The following MTHFD1L variants were observed in gnomAD, a reference collection of about 807,000 sequenced individuals.
MTHFD1L encodes methylenetetrahydrofolate dehydrogenase (NADP+ dependent) 1 like, also known as monofunctional C1-tetrahydrofolate synthase, mitochondrial.
In MTHFD1L, 81 loss-of-function variants were observed where a neutral mutation model predicts 119.5. The ratio of observed to expected loss-of-function variants is 0.68; its 90% CI spans 0.57 to 0.82. The LOEUF (loss-of-function observed/expected upper bound fraction) is 0.82. Ranked by LOEUF, MTHFD1L falls within the 40% of genes least tolerant of loss-of-function variation. The probability of loss-of-function intolerance (pLI) is 0.00; values close to 1 mark genes in which losing one functional copy is unlikely to be tolerated. For missense variants in MTHFD1L, 1,125 were observed against 1,253.4 expected (o/e 0.90, Z 1.55); for synonymous variants, 430 against 475.2 (o/e 0.90, Z 1.24).
intron 24 of MTHFD1L, among the ~76,000 whole-genome samples, chr6:151,018,648 T>G (rs1337812152): frequency 6.6e-6 from 1 of 152,178 alleles, no homozygotes. Context: ...AGCTAAGTAC[T>G]GTGCTCAAAA....
chr6:150,874,563 G>A (rs769863486), intron 1 of MTHFD1L, among the ~76,000 whole-genome samples: 13 of 152,178 alleles, frequency 8.5e-5, no homozygotes, highest in Non-Finnish European at 1.9e-4. Flanking sequence ...AGACCCTGTC[G>A]GAGACTGAAA....
intron 26 of MTHFD1L, among the ~76,000 whole-genome samples, chr6:151,047,679 T>C (rs1788309024): frequency 6.6e-6 from 1 of 152,156 alleles, no homozygotes; most frequent in African/African-American, 2.4e-5. Flanking sequence ...CAAGAATATG[T>C]TGTAGAGTGT....
intron 10 of MTHFD1L, 131 bp from the exon 11 acceptor site, chr6:150,925,991 G>A (rs1284298662): frequency 5.7e-6 from 4 of 699,486 alleles, no homozygotes; most frequent in African/African-American, 1.8e-5. Flanking sequence ...GCTTATTACT[G>A]CCTGGGAGAA....
intron 8 of MTHFD1L, among the ~76,000 whole-genome samples, chr6:150,911,395 A>G (rs1465655236): frequency 6.6e-6 from 1 of 151,852 alleles, no homozygotes; most frequent in Non-Finnish European, 1.5e-5. Context: ...ACTCTCAAGA[A>G]CACTGTCACA....
intron 26 of MTHFD1L, among the ~76,000 whole-genome samples, chr6:151,090,108 A>G (rs549644496): frequency 5.9e-5 from 9 of 152,172 alleles, no homozygotes; most frequent in South Asian, 2.1e-4. Context: ...ATCCATCACA[A>G]TGTTTTATGT....
intron 6 of MTHFD1L, among the ~76,000 whole-genome samples, chr6:150,886,201 G>A (rs1782234102): frequency 6.6e-6 from 1 of 152,194 alleles, no homozygotes; most frequent in South Asian, 2.1e-4. Context: ...GCGAGGCCAA[G>A]GCCAGAGGAT....
At chr6:150,908,084 T>C (rs1786242578) in intron 8 of MTHFD1L, among the ~76,000 whole-genome samples, 1 of 150,640 alleles carries the variant, frequency 6.6e-6, no homozygotes, top group African/African-American at 2.4e-5. Flanking sequence ...TTTTTTGTAT[T>C]TTTAGTAGAA....
At chr6:150,874,086 T>G (rs75667067) in intron 1 of MTHFD1L, among the ~76,000 whole-genome samples, 14,192 of 152,210 alleles carry the variant, frequency 0.093, 777 homozygotes, top group Middle Eastern at 0.17. Context: ...CATAGCCAAA[T>G]TAACAGTCAC....
intron 18 of MTHFD1L, among the ~76,000 whole-genome samples, chr6:150,961,877 AAATACATTGCTCTGTATTTTATT>A (rs1345341183): frequency 6.6e-6 from 1 of 152,230 alleles, no homozygotes; most frequent in Non-Finnish European, 1.5e-5. Context: ...GTTTCTGTCT[AAATACATTGCTCTGTATTTTATT>A]AATTTGTATG....
chr6:150,884,205 G>A (rs185463196), intron 5 of MTHFD1L, among the ~76,000 whole-genome samples: 112 of 147,894 alleles, frequency 7.6e-4, no homozygotes, highest in African/African-American at 2.7e-3. Context: ...GCAGTGACAC[G>A]ATCTCGGCTC....
chr6:151,012,815 G>T (rs925365601), intron 21 of MTHFD1L, among the ~76,000 whole-genome samples: 4 of 152,146 alleles, frequency 2.6e-5, no homozygotes, highest in African/African-American at 9.7e-5. Flanking sequence ...GCAAGCTGAA[G>T]ACCCAGGAGA....
chr6:150,871,541 G>A (rs1779504180), intron 1 of MTHFD1L, among the ~76,000 whole-genome samples: 2 of 119,980 alleles, frequency 1.7e-5, no homozygotes, highest in East Asian at 2.5e-4. Flanking sequence ...TTGCTCTGTC[G>A]CCCAGGCTGG....
intron 26 of MTHFD1L, among the ~76,000 whole-genome samples, chr6:151,064,928 C>T (rs1791069846): frequency 6.6e-6 from 1 of 152,064 alleles, no homozygotes; most frequent in Non-Finnish European, 1.5e-5. Flanking sequence ...TCAGCCTCCC[C>T]AAGTAGCTGG....
chr6:151,036,447 A>G (rs1355913672), intron 25 of MTHFD1L, among the ~76,000 whole-genome samples: 2 of 152,190 alleles, frequency 1.3e-5, no homozygotes, highest in Admixed American at 1.3e-4. Context: ...GTCCTTAAAA[A>G]CAAGAAGCTT....
intron 20 of MTHFD1L, among the ~76,000 whole-genome samples, chr6:150,972,728 T>C (rs1398673643): frequency 2.6e-5 from 4 of 152,370 alleles, no homozygotes; most frequent in African/African-American, 9.6e-5. Context: ...CTACCCTTAC[T>C]ATGTAGTACT....
At chr6:151,048,709 C>A (rs1429078063) in intron 26 of MTHFD1L, among the ~76,000 whole-genome samples, 1 of 152,186 alleles carries the variant, frequency 6.6e-6, no homozygotes, top group Non-Finnish European at 1.5e-5. Flanking sequence ...CAGTTACTGA[C>A]CAGCAAGACT....
chr6:151,088,127 T>G (rs1384601045), intron 26 of MTHFD1L: 1 of 152,166 alleles, frequency 6.6e-6, no homozygotes, highest in East Asian at 1.9e-4. Flanking sequence ...GGAGAAAATT[T>G]GTGGGAATGC....
intron 8 of MTHFD1L, 58 bp downstream of exon 8, chr6:150,905,819 G>A: frequency 7.6e-7 from 1 of 1,313,394 alleles, no homozygotes; most frequent in Non-Finnish European, 1.1e-6. Flanking sequence ...TCAAAGAAAT[G>A]TTAACCTTTT....
chr6:150,870,364 A>G (rs1002971831), intron 1 of MTHFD1L, among the ~76,000 whole-genome samples: 1 of 152,202 alleles, frequency 6.6e-6, no homozygotes, highest in Non-Finnish European at 1.5e-5. Flanking sequence ...ATGAAACATT[A>G]CACATATAAC....
Sources: gnomAD v4.1 joint callset for allele counts (sites outside exome capture counted in the v4.1 genomes callset) on GRCh38, gnomAD v4.1.1 for gene constraint, MANE v1.5 for transcripts, NCBI Gene and HGNC (gene_info 2026-07-23, HGNC 2026-07-21) for gene names.